Variants in AGBL1 observed in about 807,000 individuals in gnomAD.
AGBL1 encodes AGBL carboxypeptidase 1.
In AGBL1, 130 loss-of-function variants were observed where a neutral mutation model predicts 118.9. The observed-to-expected ratio is 1.09, with a 90% CI of 0.95 to 1.26. The LOEUF is 1.26. AGBL1 is among the 50% of genes most tolerant of loss of function. The pLI is 0.00. For missense variants in AGBL1, 1,584 were observed against 1,298.1 expected (o/e 1.22, Z -3.38); for synonymous variants, 555 against 478.9 (o/e 1.16, Z -2.08).
chr15:86,318,414 T>G (rs1031782088), intron 17 of AGBL1, among the ~76,000 whole-genome samples: 2 of 152,172 alleles, frequency 1.3e-5, no homozygotes, highest in African/African-American at 4.8e-5. Flanking sequence ...TAAAAAAAAC[T>G]TAATTTTGCC....
chr15:86,646,589 T>C (rs2085282782), intron 21 of AGBL1, among the ~76,000 whole-genome samples: 2 of 152,186 alleles, frequency 1.3e-5, no homozygotes, highest in African/African-American at 4.8e-5. Flanking sequence ...CACTTTTCTT[T>C]TTTTTAAGTT....
At chr15:87,016,921 G>T (rs568216719) in intron 24 of AGBL1, among the ~76,000 whole-genome samples, 60 of 152,164 alleles carry the variant, frequency 3.9e-4, no homozygotes, top group African/African-American at 1.3e-3. Context: ...GCAGCCACTG[G>T]GGCACACACA....
chr15:86,228,190 C>G (rs908018928), intron 6 of AGBL1, among the ~76,000 whole-genome samples: 1 of 152,094 alleles, frequency 6.6e-6, no homozygotes. Flanking sequence ...TAGTTAAGAC[C>G]TGATGTGGAA....
intron 21 of AGBL1, among the ~76,000 whole-genome samples, chr15:86,595,462 C>T (rs2084392467): frequency 6.6e-6 from 1 of 152,178 alleles, no homozygotes; most frequent in African/African-American, 2.4e-5. Context: ...CTATGAATTT[C>T]TTGCTCTCTT....
intron 18 of AGBL1, among the ~76,000 whole-genome samples, chr15:86,405,398 C>G (rs577533741): frequency 6.6e-6 from 1 of 152,028 alleles, no homozygotes; most frequent in African/African-American, 2.4e-5. Context: ...TACCTGTAGT[C>G]CCAGCTACTT....
intron 5 of AGBL1, among the ~76,000 whole-genome samples, chr15:86,199,652 C>T (rs2077872155): frequency 6.6e-6 from 1 of 152,186 alleles, no homozygotes; most frequent in Admixed American, 6.5e-5. Flanking sequence ...TGACTTATTT[C>T]ATCTTGGATG....
intron 5 of AGBL1, among the ~76,000 whole-genome samples, chr15:86,209,119 T>G (rs548323682): frequency 6.6e-6 from 1 of 152,124 alleles, no homozygotes; most frequent in Non-Finnish European, 1.5e-5. Context: ...CATGGAGTTG[T>G]GTGGTTTTGA....
intron 23 of AGBL1, among the ~76,000 whole-genome samples, chr15:86,938,195 T>A (rs2080699728): frequency 6.6e-6 from 1 of 152,188 alleles, no homozygotes; most frequent in African/African-American, 2.4e-5. Flanking sequence ...CATGGAAGTC[T>A]GCTGGGAAGT....
chr15:86,124,342 A>G (rs900964945), intron 1 of AGBL1, among the ~76,000 whole-genome samples: 17 of 151,560 alleles, frequency 1.1e-4, no homozygotes, highest in Non-Finnish European at 2.1e-4. Context: ...AAAAAAAAAA[A>G]AAAAACAAAG....
intron 23 of AGBL1, among the ~76,000 whole-genome samples, chr15:86,945,630 G>A (rs1004854065): frequency 6.6e-6 from 1 of 152,296 alleles, no homozygotes; most frequent in Middle Eastern, 3.4e-3. Flanking sequence ...CTGAGATTGT[G>A]CCACTGCACT....
intron 5 of AGBL1, among the ~76,000 whole-genome samples, chr15:86,180,602 G>C (rs559033847): frequency 6.6e-6 from 1 of 152,058 alleles, no homozygotes; most frequent in Non-Finnish European, 1.5e-5. Flanking sequence ...AAACCTTTGT[G>C]ATCTTCAGCT....
intron 22 of AGBL1, among the ~76,000 whole-genome samples, chr15:86,886,685 G>C (rs2079975472): frequency 6.6e-6 from 1 of 152,122 alleles, no homozygotes; most frequent in African/African-American, 2.4e-5. Context: ...TTATGGAGGA[G>C]GTAACATTGG....
chr15:86,622,377 G>A (rs973020441), intron 21 of AGBL1, among the ~76,000 whole-genome samples: 1 of 149,866 alleles, frequency 6.7e-6, no homozygotes, highest in African/African-American at 2.4e-5. Flanking sequence ...AAACCAGACA[G>A]GCCTATTTTT....
At chr15:86,818,531 A>G (rs1479353277) in intron 22 of AGBL1, among the ~76,000 whole-genome samples, 1 of 152,198 alleles carries the variant, frequency 6.6e-6, no homozygotes, top group African/African-American at 2.4e-5. Context: ...GTCCCTGGAA[A>G]ATTGTCAAAT....
chr15:86,437,992 G>A (rs767446759), intron 18 of AGBL1, among the ~76,000 whole-genome samples: 9 of 151,814 alleles, frequency 5.9e-5, no homozygotes, highest in Non-Finnish European at 5.9e-5. Flanking sequence ...TGCAACCTTT[G>A]CCTCCCAGGT....
At chr15:86,191,308 A>T (rs1232495828) in intron 5 of AGBL1, among the ~76,000 whole-genome samples, 2 of 140,070 alleles carry the variant, frequency 1.4e-5, no homozygotes, top group East Asian at 4.3e-4. Flanking sequence ...AGATTGCACC[A>T]TTGCATTCCA....
rs2078648329 is a variant in AGBL1, at chr15:86,801,363, G to A, written c.3159-105724G>A. Among the ~76,000 whole-genome samples the A allele has an allele frequency of 6.8e-5, 8 of 117,834 alleles. 1 individual carries two copies. The Middle Eastern group carries it at 0.034, about 504-fold the overall frequency. 77.3% of individuals were successfully genotyped at this position (117,834 alleles called of 152,430 possible). A position where few individuals can be genotyped will look rare whatever the true frequency, so the allele number is the denominator to read the frequency against. Reference sequence around the variant, plus strand: ...TATCTATCTATCTATCTATATTAAAGCCTTCTTAAAAGCCCCTCAGAAACT... The same window carrying A: ...TATCTATCTATCTATCTATATTAAAACCTTCTTAAAAGCCCCTCAGAAACT... On this transcript the variant is annotated intron_variant, in intron 22 of 22. Coordinates refer to ENST00000614907, the MANE Select transcript of AGBL1 (RefSeq NM_001386094.1).
At chr15:86,373,714 A>C (rs2080999634) in intron 17 of AGBL1, among the ~76,000 whole-genome samples, 1 of 152,204 alleles carries the variant, frequency 6.6e-6, no homozygotes, top group Non-Finnish European at 1.5e-5. Flanking sequence ...CTGTAGGCAA[A>C]GCACAGCATG....
At chr15:86,293,992 A>G (rs1412953911) in intron 16 of AGBL1, among the ~76,000 whole-genome samples, 4 of 152,086 alleles carry the variant, frequency 2.6e-5, no homozygotes, top group Non-Finnish European at 5.9e-5. Context: ...CTCTCTGGTT[A>G]CTGAAATTTC....
Sources: gnomAD v4.1 joint callset for allele counts (sites outside exome capture counted in the v4.1 genomes callset) on GRCh38, gnomAD v4.1.1 for gene constraint, MANE v1.5 for transcripts, NCBI Gene and HGNC (gene_info 2026-07-23, HGNC 2026-07-21) for gene names.